DES: variants seen among roughly 807,000 people sequenced by gnomAD.
The protein encoded by DES is desmin.
In DES, 34 loss-of-function variants were observed where a neutral mutation model predicts 55.1. The ratio of observed to expected loss-of-function variants is 0.62; its 90% CI spans 0.47 to 0.82. The LOEUF (loss-of-function observed/expected upper bound fraction) is 0.82, where lower values mean the gene tolerates loss of function less well. Ranked by LOEUF, DES falls within the 40% of genes least tolerant of loss-of-function variation. DES has a pLI of 0.00. For missense variants in DES, 596 were observed against 645.9 expected (o/e 0.92, Z 0.84); for synonymous variants, 259 against 270.8 (o/e 0.96, Z 0.43).
chr2:219,423,792 C>T lies in DES; in HGVS notation c.1260C>T (p.Ile420=), dbSNP rs397516688. ...TCCCTTTTAGGATCAATCTCCCCATCCAGACCTACTCTGCCCTCAACTTCC... is the reference window on the plus strand; with the variant it reads ...TCCCTTTTAGGATCAATCTCCCCATTCAGACCTACTCTGCCCTCAACTTCC... The part of the protein sequence containing the change: ...EGEESRINLP[I]QTYSALNFRE... The change falls in exon 7 of 9, where the codon ATC becomes ATT. Residue 420 remains isoleucine, a synonymous_variant. Transcript: ENST00000373960. The T allele has an allele frequency of 6.2e-7, 1 of 1,613,910 alleles. No homozygotes were observed. Among genetic ancestry groups the T allele is most frequent in the Non-Finnish European group, 8.5e-7 (1 of 1,179,880 alleles).
rs768035073 is a variant in DES, at chr2:219,426,366, G to A, written c.*376G>A. Reference sequence around the variant, plus strand: ...GAGCAGGGTGTTGGGATACTGCAGGGCCAGGACTGAGCCCCGCAGACCTCC... The same window carrying A: ...GAGCAGGGTGTTGGGATACTGCAGGACCAGGACTGAGCCCCGCAGACCTCC... On this transcript the variant is annotated 3_prime_UTR_variant, in exon 9 of 9. Coordinates refer to ENST00000373960, the MANE Select transcript of DES (RefSeq NM_001927.4). The surrounding 1 kb of genome is among the most constrained non-coding windows in gnomAD (Gnocchi z 4.5). 8.8e-5 allele frequency: 36 copies of A among 411,040 alleles called. No individual in the cohort carries two copies. Among genetic ancestry groups the A allele is most frequent in the Non-Finnish European group, 1.4e-4 (30 of 216,964 alleles). The allele number at this position is 411,040 out of a possible 1,614,324, so 25.5% of individuals were successfully genotyped here.
chr2:219,425,402 G>A, intron 7 of DES: 1 of 501,644 alleles, frequency 2.0e-6, no homozygotes, highest in Non-Finnish European at 3.7e-6. Context: ...CTACCCTCCT[G>A]CACCATCCTG....
Position 219,421,409 on chromosome 2 carries a change from G to C in DES, c.1093G>C (p.Asp365His), listed in dbSNP as rs1954439557. The change falls in exon 6 of 9, where the codon GAC (aspartate) becomes CAC (histidine). Residue 365 changes from aspartate (D) to histidine (H), a missense_variant. Asp to His is a moderately conservative substitution (Grantham distance 81, BLOSUM62 -1). Transcript: ENST00000373960. Reference protein sequence around the residue: ...RFASEASGYQDNIARLEEEIR... With the variant: ...RFASEASGYQHNIARLEEEIR... ...TGCCAGTGAGGCCAGTGGCTACCAG[G>C]ACAACATTGCGCGCCTGGAGGAGGA... 6.2e-7 allele frequency: 1 copy of C among 1,614,110 alleles called. No homozygotes were observed. Among genetic ancestry groups the C allele is most frequent in the Non-Finnish European group, 8.5e-7 (1 of 1,180,014 alleles).
rs1172437949 is a variant in DES at position 219,419,137 on chromosome 2, C to T, written c.578+97C>T. On this transcript the variant is annotated intron_variant, in intron 1 of 8. Transcript: ENST00000373960. The surrounding 1 kb of genome is among the most constrained non-coding windows in gnomAD (Gnocchi z 4.3). ...CCCGCTGTCAGCACCTGCCTTCTCCCGGGGCCCGGGACCCTCTCCTGCCCC... is the reference window on the plus strand; with the variant it reads ...CCCGCTGTCAGCACCTGCCTTCTCCTGGGGCCCGGGACCCTCTCCTGCCCC... 1.3e-6 allele frequency: 2 copies of T among 1,529,458 alleles called. No individual in the cohort carries two copies. The highest frequency in any genetic ancestry group is 8.7e-7 in the Non-Finnish European group (1 of 1,143,784). The allele number at this position is 1,529,458 out of a possible 1,614,324, so 94.7% of individuals were successfully genotyped here.
chr2:219,426,080 C>T lies in DES; in HGVS notation c.*90C>T, dbSNP rs1184741614. On this transcript the variant is annotated 3_prime_UTR_variant, in exon 9 of 9. Transcript: ENST00000373960. This position sits in a 1 kb window ranked among gnomAD's most constrained non-coding sequence, Gnocchi z 4.5. ...CCTTCTTCCATCCCAGGACACCACA[C>T]CCAGCCTCAGTCCTCCCCTCACAGC... The T allele has an allele frequency of 1.5e-5, 22 of 1,461,406 alleles. No individual in the cohort carries two copies. Among genetic ancestry groups the T allele is most frequent in the Non-Finnish European group, 2.8e-6 (3 of 1,052,956 alleles). 90.5% of individuals were successfully genotyped at this position (1,461,406 alleles called of 1,614,324 possible).
At position 219,420,162 on chromosome 2, in the gene DES, G is replaced by A. The variant is rs1256712141; in HGVS notation, c.639+7G>A. On this transcript the variant is annotated splice_region_variant and intron_variant, in intron 2 of 8. Coordinates refer to ENST00000373960, the MANE Select transcript of DES (RefSeq NM_001927.4). The surrounding 1 kb of genome is among the most constrained non-coding windows in gnomAD (Gnocchi z 6.0). ...TTTGGCTGCCTTCCGAGCGGTGAGT[G>A]CCCTTCTTTTCCCCTTGCATGGCCT... 1 of 1,614,220 alleles carries A rather than the reference G, an allele frequency of 6.2e-7. No individual in the cohort carries two copies. The highest frequency in any genetic ancestry group is 1.7e-5 in the Admixed American group (1 of 60,034).
rs763769862 is a variant in DES at position 219,418,877 on chromosome 2, G to A, written c.415G>A (p.Glu139Lys). Residue 139 changes from glutamate to lysine, a missense_variant, in exon 1 of 9, where the codon GAA (glutamate) becomes AAA (lysine). Physicochemically the swap from Glu to Lys is moderately conservative, Grantham distance 56. Coordinates refer to ENST00000373960, the MANE Select transcript of DES (RefSeq NM_001927.4). ...LEQQNAALAA[E>K]VNRLKGREPT... The stretch of plus-strand genomic sequence containing the variant: ...GCAGCAGAACGCGGCGCTCGCCGCC[G>A]AAGTGAACCGGCTCAAGGGCCGCGA... 1.3e-6 allele frequency: 2 copies of A among 1,572,462 alleles called. No individual in the cohort carries two copies. Among genetic ancestry groups the A allele is most frequent in the South Asian group, 1.2e-5 (1 of 85,940 alleles).
In DES at chr2:219,418,761, A is replaced by C. The variant is rs762738069; in HGVS notation, c.299A>C (p.Glu100Ala). Residue 100 changes from glutamate (E) to alanine (A), a missense_variant, in exon 1 of 9, where the codon GAG (glutamate) becomes GCG (alanine). Glu to Ala is a moderately radical substitution (Grantham distance 107, BLOSUM62 -1). Transcript: ENST00000373960. ...DFSLADAVNQEFLTTRTNEKV... is the reference protein window; with the variant it reads ...DFSLADAVNQAFLTTRTNEKV... ...TCACTGGCCGACGCGGTGAACCAGGAGTTTCTGACCACGCGCACCAACGAG... is the reference window on the plus strand; with the variant it reads ...TCACTGGCCGACGCGGTGAACCAGGCGTTTCTGACCACGCGCACCAACGAG... The C allele has an allele frequency of 1.5e-5, 23 of 1,562,532 alleles. No individual in the cohort carries two copies. The highest frequency in any genetic ancestry group is 1.9e-5 in the Non-Finnish European group (22 of 1,152,880).
Sources: gnomAD v4.1 joint callset for allele counts on GRCh38, gnomAD v4.1.1 for gene constraint, Gnocchi (gnomAD v3.1) non-coding constraint, MANE v1.5 for transcripts, NCBI Gene and HGNC (gene_info 2026-07-23, HGNC 2026-07-21) for gene names.